The following CCDC85C variants were observed in gnomAD, a reference collection of about 807,000 sequenced individuals.
CCDC85C encodes coiled-coil domain-containing protein 85C.
In CCDC85C, 18 loss-of-function variants were observed where a neutral mutation model predicts 38.3. That is an observed-to-expected ratio of 0.47 (90% CI 0.33 to 0.70). CCDC85C has a LOEUF of 0.70. Among genes scored for constraint, CCDC85C ranks in the 30% least tolerant of loss-of-function variants. The probability of loss-of-function intolerance (pLI) is 0.03; values close to 1 mark genes in which losing one functional copy is unlikely to be tolerated. For missense variants in CCDC85C, 566 were observed against 621.2 expected (o/e 0.91, Z 0.94); for synonymous variants, 264 against 293.8 (o/e 0.90, Z 1.04).
Position 99,576,728 on chromosome 14 carries a change from G to C in CCDC85C, c.793+26439C>G, listed in dbSNP as rs1002378467. On this transcript the variant is annotated intron_variant, in intron 1 of 5. Coordinates refer to ENST00000380243, the MANE Select transcript of CCDC85C (RefSeq NM_001144995.2). The surrounding 1 kb of genome is among the most constrained non-coding windows in gnomAD (Gnocchi z 4.8). Reference sequence around the variant, plus strand: ...GCTGCCTGGATAGCAGCAAACAATCGCATGGCCTTTTTCCAGGTTTACAAT... The same window carrying C: ...GCTGCCTGGATAGCAGCAAACAATCCCATGGCCTTTTTCCAGGTTTACAAT... 6.6e-6 allele frequency: 1 copy of C among 152,144 alleles called. No homozygotes were observed. The highest frequency in any genetic ancestry group is 2.4e-5 in the African/African-American group (1 of 41,378). The allele number at this position is 152,144 out of a possible 1,614,324, so 9.4% of individuals were successfully genotyped here. A position where few individuals can be genotyped will look rare whatever the true frequency, so the allele number is the denominator to read the frequency against.
At chr14:99,547,400 C>T (rs763968615) in intron 1 of CCDC85C, among the ~76,000 whole-genome samples, 3 of 151,990 alleles carry the variant, frequency 2.0e-5, no homozygotes, top group African/African-American at 4.8e-5. Flanking sequence ...CTAATGGAAA[C>T]GGGGTTCCTT....
chr14:99,522,002 G>A lies in CCDC85C; in HGVS notation c.975+131C>T, dbSNP rs1032001892. On this transcript the variant is annotated intron_variant, in intron 3 of 5. Coordinates refer to ENST00000380243, the MANE Select transcript of CCDC85C (RefSeq NM_001144995.2). ...CTAACTGCCACACTGGATGGGACAC[G>A]GACACAGGGCCTAGGGCTGGGGCTG... The A allele has an allele frequency of 3.1e-5, 21 of 684,302 alleles. 1 individual carries two copies. The highest frequency in any genetic ancestry group is 5.4e-4 in the Middle Eastern group (2 of 3,738). The allele number at this position is 684,302 out of a possible 1,614,324, so 42.4% of individuals were successfully genotyped here.
chr14:99,561,553 G>T (rs1350088492), intron 1 of CCDC85C, among the ~76,000 whole-genome samples: 2 of 152,220 alleles, frequency 1.3e-5, no homozygotes, highest in Non-Finnish European at 2.9e-5. Flanking sequence ...ACTGTCCTTT[G>T]TTGGGCACCA....
intron 1 of CCDC85C, among the ~76,000 whole-genome samples, chr14:99,577,678 A>AGTGTGTGT (rs56254947): frequency 1.4e-5 from 2 of 141,926 alleles, no homozygotes; most frequent in East Asian, 2.2e-4. Context: ...ATCCCCCATC[A>AGTGTGTGT]GTGTGTGTGT....
chr14:99,596,123 G>T (rs1261701843), intron 1 of CCDC85C, among the ~76,000 whole-genome samples: 5 of 152,364 alleles, frequency 3.3e-5, no homozygotes, highest in Admixed American at 3.3e-4. Context: ...AGGACTCTGT[G>T]AAGTTTGCTC....
In CCDC85C at chr14:99,545,162, T is replaced by C. The variant is rs953433374; in HGVS notation, c.794-9074A>G. On this transcript the variant is annotated intron_variant, in intron 1 of 5. Coordinates refer to ENST00000380243, the MANE Select transcript of CCDC85C (RefSeq NM_001144995.2). This position sits in a 1 kb window ranked among gnomAD's most constrained non-coding sequence, Gnocchi z 4.7. ...CCTCTCAGTGTCATCTGTCCCCTCG[T>C]GGGCCACTCTGCTCTGGGCTGGGGA... 6.6e-6 allele frequency among the ~76,000 whole-genome samples: 1 copy of C among 152,192 alleles called. No homozygotes were observed. Among genetic ancestry groups the C allele is most frequent in the Non-Finnish European group, 1.5e-5 (1 of 68,018 alleles).
chr14:99,502,491 T>G lies in CCDC85C; in HGVS notation c.*12755A>C. On this transcript the variant is annotated 3_prime_UTR_variant, in exon 6 of 6. Coordinates refer to ENST00000380243, the MANE Select transcript of CCDC85C (RefSeq NM_001144995.2). The stretch of plus-strand genomic sequence containing the variant: ...CAGATAGACATATGTGAGCAATATT[T>G]CAGAAGCATCATTAATTAAATTATC... 9 of 1,423,552 alleles carry G rather than the reference T, an allele frequency of 6.3e-6. No homozygotes were observed. The highest frequency in any genetic ancestry group is 8.4e-6 in the Non-Finnish European group (9 of 1,069,072). 88.2% of individuals were successfully genotyped at this position (1,423,552 alleles called of 1,614,324 possible). A position where few individuals can be genotyped will look rare whatever the true frequency, so the allele number is the denominator to read the frequency against.
At position 99,501,596 on chromosome 14, in the gene CCDC85C, T is replaced by C; in HGVS notation, c.*13650A>G. The C allele has an allele frequency of 1.7e-6, 1 of 580,202 alleles. No homozygotes were observed. Among genetic ancestry groups the C allele is most frequent in the East Asian group, 2.9e-5 (1 of 34,782 alleles). 35.9% of individuals were successfully genotyped at this position (580,202 alleles called of 1,614,324 possible). A position where few individuals can be genotyped will look rare whatever the true frequency, so the allele number is the denominator to read the frequency against. Reference sequence around the variant, plus strand: ...ATCTGCTTCCCGGCAGAGGGTTTCCTTCTGCCCTGCCGTGTCATGGTGTTG... The same window carrying C: ...ATCTGCTTCCCGGCAGAGGGTTTCCCTCTGCCCTGCCGTGTCATGGTGTTG... On this transcript the variant is annotated 3_prime_UTR_variant, in exon 6 of 6. Coordinates refer to ENST00000380243, the MANE Select transcript of CCDC85C (RefSeq NM_001144995.2).
intron 5 of CCDC85C, 117 bp from the exon 6 acceptor site, chr14:99,515,452 G>A: frequency 1.5e-6 from 1 of 684,736 alleles, no homozygotes; most frequent in Non-Finnish European, 2.5e-6. Context: ...ATGGGGCCAG[G>A]AGGGACACGG....
At chr14:99,546,758 T>C (rs1418465468) in intron 1 of CCDC85C, among the ~76,000 whole-genome samples, 1 of 151,930 alleles carries the variant, frequency 6.6e-6, no homozygotes, top group Non-Finnish European at 1.5e-5. Flanking sequence ...AACAGAGCGC[T>C]TCATGAACAG....
In CCDC85C at chr14:99,535,896, G is replaced by A; in HGVS notation, c.867+119C>T. On this transcript the variant is annotated intron_variant, in intron 2 of 5. Transcript: ENST00000380243. This position sits in a 1 kb window ranked among gnomAD's most constrained non-coding sequence, Gnocchi z 5.5. ...CCCCACTTTCCAGGAGGTGACAGGT[G>A]GCAGTGGGAGCAGTTGGGGGGACAG... The A allele has an allele frequency of 1.4e-6, 1 of 728,206 alleles. No homozygotes were observed. The highest frequency in any genetic ancestry group is 1.6e-5 in the South Asian group (1 of 62,390). The allele number at this position is 728,206 out of a possible 1,614,324, so 45.1% of individuals were successfully genotyped here. A position where few individuals can be genotyped will look rare whatever the true frequency, so the allele number is the denominator to read the frequency against.
chr14:99,586,620 C>T (rs1443276903), intron 1 of CCDC85C, among the ~76,000 whole-genome samples: 2 of 152,208 alleles, frequency 1.3e-5, no homozygotes, highest in African/African-American at 4.8e-5. Flanking sequence ...CTCCTGAAGC[C>T]CTTTCATGAT....
At chr14:99,589,763 G>A (rs985238434) in intron 1 of CCDC85C, among the ~76,000 whole-genome samples, 6 of 152,182 alleles carry the variant, frequency 3.9e-5, no homozygotes, top group African/African-American at 1.4e-4. Flanking sequence ...GGCCATGGGC[G>A]GCCCTGAGCT....
At chr14:99,592,157 G>C (rs1446949283) in intron 1 of CCDC85C, among the ~76,000 whole-genome samples, 1 of 152,216 alleles carries the variant, frequency 6.6e-6, no homozygotes, top group Non-Finnish European at 1.5e-5. Context: ...CTGTCAGCAC[G>C]GTACTAGCCC....
intron 1 of CCDC85C, among the ~76,000 whole-genome samples, chr14:99,585,746 C>T (rs2055019268): frequency 6.6e-6 from 1 of 152,186 alleles, no homozygotes. Context: ...AAAGACCCTC[C>T]CTCTGGGCCC....
intron 1 of CCDC85C, among the ~76,000 whole-genome samples, chr14:99,560,249 C>T (rs374543000): frequency 6.6e-6 from 1 of 152,184 alleles, no homozygotes; most frequent in Non-Finnish European, 1.5e-5. Flanking sequence ...CTCATGCCTG[C>T]GGGCACCAAC....
intron 1 of CCDC85C, among the ~76,000 whole-genome samples, chr14:99,591,753 G>C (rs2055090675): frequency 7.1e-6 from 1 of 140,310 alleles, no homozygotes; most frequent in Non-Finnish European, 1.5e-5. Context: ...TTTTTTTTTG[G>C]AAATGGAGTC....
intron 1 of CCDC85C, among the ~76,000 whole-genome samples, chr14:99,590,608 TAAAAAAAG>T (rs1482347904): frequency 1.3e-5 from 2 of 151,790 alleles, no homozygotes; most frequent in African/African-American, 4.8e-5. Flanking sequence ...TCTAGTGGCT[TAAAAAAAG>T]AAAAAAAGAA....
chr14:99,554,184 A>G (rs972508477), intron 1 of CCDC85C, among the ~76,000 whole-genome samples: 9 of 152,078 alleles, frequency 5.9e-5, no homozygotes, highest in African/African-American at 2.2e-4. Context: ...CAGCTCCAGT[A>G]ACTGAAGAGG....
Sources: gnomAD v4.1 joint callset for allele counts (sites outside exome capture counted in the v4.1 genomes callset) on GRCh38, gnomAD v4.1.1 for gene constraint, Gnocchi (gnomAD v3.1) non-coding constraint, MANE v1.5 for transcripts, NCBI Gene and HGNC (gene_info 2026-07-23, HGNC 2026-07-21) for gene names.